GAB2: variants seen among roughly 807,000 people sequenced by gnomAD.
GAB2 encodes the protein GRB2 associated binding protein 2, also known as GRB2-associated-binding protein 2.
GAB2 carries 26 observed loss-of-function variants against 65.5 expected under a neutral mutation model. The ratio of observed to expected loss-of-function variants is 0.40; its 90% CI spans 0.29 to 0.55. The LOEUF is 0.55. Among genes scored for constraint, GAB2 ranks in the 20% least tolerant of loss-of-function variants. The probability of loss-of-function intolerance (pLI) is 0.53; values close to 1 mark genes in which losing one functional copy is unlikely to be tolerated. For missense variants in GAB2, 884 were observed against 875.8 expected (o/e 1.01, Z -0.12); for synonymous variants, 321 against 329.6 (o/e 0.97, Z 0.28).
At chr11:78,416,896 C>T (rs1055214435) in intron 1 of GAB2, among the ~76,000 whole-genome samples, 8 of 151,972 alleles carry the variant, frequency 5.3e-5, no homozygotes, top group African/African-American at 1.9e-4. Flanking sequence ...TCTCAGTAAA[C>T]ACTGTCGGTT....
chr11:78,317,102 A>G (rs149220453), intron 1 of GAB2, among the ~76,000 whole-genome samples: 102 of 152,322 alleles, frequency 6.7e-4, no homozygotes, highest in African/African-American at 2.2e-3. Context: ...AGATTCAGAG[A>G]GACAAAAAAT....
At chr11:78,342,654 G>A (rs1055823476) in intron 1 of GAB2, among the ~76,000 whole-genome samples, 7 of 151,862 alleles carry the variant, frequency 4.6e-5, no homozygotes, top group African/African-American at 1.5e-4. Flanking sequence ...GTGATCCGCC[G>A]GCCTCGGCCT....
chr11:78,250,405 A>T lies in GAB2; in HGVS notation c.377-5T>A. The T allele has an allele frequency of 6.2e-7, 1 of 1,612,254 alleles. No individual in the cohort carries two copies. Among genetic ancestry groups the T allele is most frequent in the Non-Finnish European group, 8.5e-7 (1 of 1,178,394 alleles). ...AGGAAACATTTCTCAGGGAGTCTGAAAAGGAGAAATAGCTCTGTGAATGAA... is the reference window on the plus strand; with the variant it reads ...AGGAAACATTTCTCAGGGAGTCTGATAAGGAGAAATAGCTCTGTGAATGAA... On this transcript the variant is annotated splice_polypyrimidine_tract_variant and splice_region_variant and intron_variant, in intron 2 of 9. Coordinates refer to ENST00000361507, the MANE Select transcript of GAB2 (RefSeq NM_080491.3).
chr11:78,329,776 A>G (rs1288687018), intron 1 of GAB2, among the ~76,000 whole-genome samples: 1 of 152,208 alleles, frequency 6.6e-6, no homozygotes, highest in Non-Finnish European at 1.5e-5. Flanking sequence ...GTATCTCGCC[A>G]TATTGCTACC....
At position 78,258,419 on chromosome 11, in the gene GAB2, A is replaced by C. The variant is rs538400587; in HGVS notation, c.377-8019T>G. The stretch of plus-strand genomic sequence containing the variant: ...GCATCCACGTTCTCTCTGGCCCTTC[A>C]CATAATCTATGGCTCCAAAGGAACA... On this transcript the variant is annotated intron_variant, in intron 2 of 9. Transcript: ENST00000361507. 9.8e-5 allele frequency among the ~76,000 whole-genome samples: 15 copies of C among 152,300 alleles called. No individual in the cohort carries two copies. The South Asian group carries it at 2.5e-3, about 25-fold the overall frequency.
intron 1 of GAB2, among the ~76,000 whole-genome samples, chr11:78,290,773 A>G (rs1437001113): frequency 6.6e-6 from 1 of 152,212 alleles, no homozygotes; most frequent in East Asian, 1.9e-4. Flanking sequence ...TTGAACAAGT[A>G]CCAGCAGGAG....
chr11:78,417,205 C>T (rs887755036), intron 1 of GAB2, among the ~76,000 whole-genome samples: 1 of 152,054 alleles, frequency 6.6e-6, no homozygotes, highest in Non-Finnish European at 1.5e-5. Flanking sequence ...GAGGCGCTCG[C>T]CCTTTGTGGG....
chr11:78,231,095 C>CT (rs985790316), intron 3 of GAB2, among the ~76,000 whole-genome samples: 4 of 152,190 alleles, frequency 2.6e-5, no homozygotes, highest in Admixed American at 2.6e-4. Context: ...AGACACACCT[C>CT]TTACTTTCAC....
At chr11:78,360,597 CCTGTAAT>C (rs1856421393) in intron 1 of GAB2, among the ~76,000 whole-genome samples, 3 of 152,058 alleles carry the variant, frequency 2.0e-5, no homozygotes, top group Non-Finnish European at 2.9e-5. Flanking sequence ...GTGGCTCATG[CCTGTAAT>C]CACAGCACTT....
intron 9 of GAB2, 70 bp downstream of exon 9, chr11:78,220,249 C>T (rs1864353618): frequency 1.3e-6 from 2 of 1,564,084 alleles, no homozygotes; most frequent in Admixed American, 3.4e-5. Flanking sequence ...TGAAGGCACC[C>T]TGGCCTCCAT....
chr11:78,326,721 T>C (rs1321320553), intron 1 of GAB2, among the ~76,000 whole-genome samples: 3 of 152,242 alleles, frequency 2.0e-5, no homozygotes, highest in Non-Finnish European at 4.4e-5. Context: ...AGGACCTTAG[T>C]AACTTCTGTT....
chr11:78,376,599 C>A (rs1042127781), intron 1 of GAB2, among the ~76,000 whole-genome samples: 1 of 152,128 alleles, frequency 6.6e-6, no homozygotes, highest in African/African-American at 2.4e-5. Flanking sequence ...TTCACACATT[C>A]TGTTCTGATT....
intron 3 of GAB2, among the ~76,000 whole-genome samples, chr11:78,228,835 G>A (rs1278215592): frequency 6.6e-6 from 1 of 151,688 alleles, no homozygotes; most frequent in Non-Finnish European, 1.5e-5. Context: ...GAGGACGGGG[G>A]TGGCGGGGGG....
chr11:78,258,503 TATTTA>T (rs1240005004), intron 2 of GAB2, among the ~76,000 whole-genome samples: 1 of 152,124 alleles, frequency 6.6e-6, no homozygotes, highest in Non-Finnish European at 1.5e-5. Context: ...GAAACTATTT[TATTTA>T]ATTTTTTTCC....
Position 78,342,643 on chromosome 11 carries a change from C to T in GAB2, c.76-61742G>A, listed in dbSNP as rs940866968. ...CAGGATGGTCTCCATCTCCTGACCTCGTGATCCGCCGGCCTCGGCCTCCCA... is the reference window on the plus strand; with the variant it reads ...CAGGATGGTCTCCATCTCCTGACCTTGTGATCCGCCGGCCTCGGCCTCCCA... On this transcript the variant is annotated intron_variant, in intron 1 of 9. Transcript: ENST00000361507. Among the ~76,000 whole-genome samples, 13 of 152,198 alleles carry T rather than the reference C, an allele frequency of 8.5e-5. No individual in the cohort carries two copies. The East Asian group carries it at 2.1e-3, about 25-fold the overall frequency.
At chr11:78,414,075 G>C (rs948304653) in intron 1 of GAB2, among the ~76,000 whole-genome samples, 8 of 102,766 alleles carry the variant, frequency 7.8e-5, no homozygotes, top group Admixed American at 2.3e-4. Context: ...CAACAAAAGT[G>C]AAACTCTGTC....
intron 1 of GAB2, among the ~76,000 whole-genome samples, chr11:78,323,942 T>G (rs781343703): frequency 1.3e-5 from 2 of 151,704 alleles, no homozygotes; most frequent in Non-Finnish European, 2.9e-5. Flanking sequence ...AGACTACAGG[T>G]GCCTGCCACC....
intron 3 of GAB2, among the ~76,000 whole-genome samples, chr11:78,241,594 A>C (rs1865136529): frequency 6.6e-6 from 1 of 150,894 alleles, no homozygotes; most frequent in Non-Finnish European, 1.5e-5. Flanking sequence ...TGAACAAAAA[A>C]ATTCAAAAAA....
intron 1 of GAB2, among the ~76,000 whole-genome samples, chr11:78,329,855 C>G (rs1591043104): frequency 6.6e-6 from 1 of 152,210 alleles, no homozygotes; most frequent in Admixed American, 6.5e-5. Context: ...CAATTCCATT[C>G]CCCTTCTAGT....
Sources: allele counts gnomAD v4.1 joint callset (sites outside exome capture counted in the v4.1 genomes callset), GRCh38; gene constraint gnomAD v4.1.1; transcripts MANE v1.5; gene names NCBI Gene and HGNC (gene_info 2026-07-23, HGNC 2026-07-21).